The following CDH12 variants were observed in gnomAD, a reference collection of about 807,000 sequenced individuals.
CDH12 encodes cadherin-12.
A neutral mutation model predicts 74.1 loss-of-function variants in CDH12; 41 were observed. That is an observed-to-expected ratio of 0.55 (90% CI 0.43 to 0.72). CDH12 has a LOEUF of 0.72. Among genes scored for constraint, CDH12 ranks in the 30% least tolerant of loss-of-function variants. The pLI, the probability that CDH12 is intolerant of heterozygous loss-of-function variation, is 0.00. For missense variants in CDH12, 945 were observed against 977.2 expected, an observed-to-expected ratio of 0.97 and a Z score of 0.44; for synonymous variants, 399 against 355.0, an observed-to-expected ratio of 1.12 and a Z score of -1.39.
At chr5:22,722,746 G>C (rs760896441) in intron 1 of CDH12, among the ~76,000 whole-genome samples, 1 of 152,162 alleles carries the variant, frequency 6.6e-6, no homozygotes, top group Non-Finnish European at 1.5e-5. Flanking sequence ...TCAGGAAATT[G>C]TGTGTGCTTG....
chr5:22,653,663 C>A (rs1739858988), intron 1 of CDH12, among the ~76,000 whole-genome samples: 1 of 152,106 alleles, frequency 6.6e-6, no homozygotes, highest in Non-Finnish European at 1.5e-5. Flanking sequence ...GGTAATGCAG[C>A]CTGAGCCAGA....
At position 22,704,325 on chromosome 5, in the gene CDH12, T is replaced by C. The variant is rs145498310; in HGVS notation, c.-523+148733A>G. ...GCTAACAGGTGCCACCACCATAAAG[T>C]CCTTAAAATAGTCCTGTTTTCTTGT... On this transcript the variant is annotated intron_variant, in intron 1 of 14. Transcript: ENST00000382254. Among the ~76,000 whole-genome samples, 439 of 152,206 alleles carry C rather than the reference T, an allele frequency of 2.9e-3. 1 individual carries two copies. Among genetic ancestry groups the C allele is most frequent in the Non-Finnish European group, 4.6e-3 (313 of 68,004 alleles).
intron 3 of CDH12, among the ~76,000 whole-genome samples, chr5:22,267,304 G>C (rs1232149175): frequency 6.6e-6 from 1 of 152,156 alleles, no homozygotes; most frequent in East Asian, 1.9e-4. Flanking sequence ...ATTCCTCAGA[G>C]TTCCAGATTC....
intron 13 of CDH12, among the ~76,000 whole-genome samples, chr5:21,759,583 C>T (rs1479596188): frequency 6.6e-5 from 10 of 151,920 alleles, no homozygotes; most frequent in African/African-American, 2.4e-4. Context: ...AAATTGTATA[C>T]ATTAAGAATC....
chr5:22,266,598 T>C (rs185294845), intron 3 of CDH12, among the ~76,000 whole-genome samples: 59 of 152,274 alleles, frequency 3.9e-4, no homozygotes, highest in Non-Finnish European at 1.0e-4. Context: ...TATGTAAAAG[T>C]CCTGTGACTC....
chr5:21,922,729 T>C (rs1446322029), intron 6 of CDH12, among the ~76,000 whole-genome samples: 1 of 152,118 alleles, frequency 6.6e-6, no homozygotes, highest in Non-Finnish European at 1.5e-5. Flanking sequence ...CTTATTTTTC[T>C]TTTTTAAAGA....
chr5:22,328,940 T>C (rs1419264090), intron 3 of CDH12, among the ~76,000 whole-genome samples: 10 of 152,124 alleles, frequency 6.6e-5, no homozygotes, highest in Non-Finnish European at 1.3e-4. Flanking sequence ...TTGAGCCCAC[T>C]AAAATTTAAA....
chr5:22,322,581 TCATACA>T (rs1356619583), intron 3 of CDH12, among the ~76,000 whole-genome samples: 10 of 152,182 alleles, frequency 6.6e-5, no homozygotes, highest in African/African-American at 2.4e-4. Context: ...TCTGAGACAC[TCATACA>T]CATACACGGA....
At chr5:22,089,082 CTG>C (rs1743245530) in intron 4 of CDH12, among the ~76,000 whole-genome samples, 3 of 152,164 alleles carry the variant, frequency 2.0e-5, no homozygotes, top group African/African-American at 7.2e-5. Flanking sequence ...GCTGTTTACA[CTG>C]ACATTAGACA....
chr5:22,628,875 GA>G (rs1318608184), intron 1 of CDH12, among the ~76,000 whole-genome samples: 1 of 151,336 alleles, frequency 6.6e-6, no homozygotes, highest in Non-Finnish European at 1.5e-5. Context: ...AAAAAAGAGA[GA>G]ATATCCAAAT....
intron 5 of CDH12, among the ~76,000 whole-genome samples, chr5:22,009,153 TA>T (rs1312325944): frequency 6.6e-6 from 1 of 152,162 alleles, no homozygotes; most frequent in Non-Finnish European, 1.5e-5. Flanking sequence ...CTGAGGCGAC[TA>T]ATATACCCTG....
chr5:22,770,084 C>G (rs1580982624), intron 1 of CDH12, among the ~76,000 whole-genome samples: 1 of 150,922 alleles, frequency 6.6e-6, no homozygotes, highest in East Asian at 2.0e-4. Context: ...CACAAAGTAA[C>G]TCACCGAGAG....
intron 10 of CDH12, among the ~76,000 whole-genome samples, chr5:21,792,724 A>C (rs1345246965): frequency 1.3e-5 from 2 of 151,066 alleles, no homozygotes; most frequent in Non-Finnish European, 3.0e-5. Flanking sequence ...TTTGTCTTTA[A>C]CTCAGAGCAA....
intron 3 of CDH12, among the ~76,000 whole-genome samples, chr5:22,305,959 C>A (rs1209383384): frequency 2.0e-5 from 3 of 152,094 alleles, no homozygotes; most frequent in African/African-American, 4.8e-5. Flanking sequence ...AATTACATAG[C>A]ACCTTCTCCC....
At position 22,580,259 on chromosome 5, in the gene CDH12, A is replaced by C. The variant is rs933440987; in HGVS notation, c.-522-74895T>G. 35 of 355,758 alleles carry C rather than the reference A, an allele frequency of 9.8e-5. 1 individual carries two copies. Among genetic ancestry groups the C allele is most frequent in the African/African-American group, 6.3e-4 (30 of 47,498 alleles). 22.0% of individuals were successfully genotyped at this position (355,758 alleles called of 1,614,324 possible). A position where few individuals can be genotyped will look rare whatever the true frequency, so the allele number is the denominator to read the frequency against. On this transcript the variant is annotated intron_variant, in intron 1 of 14. Transcript: ENST00000382254. ...AACATCTCCAAGCTTCATGTCTCAG[A>C]TAATCATTCAAACATTGGATGGCAA...
intron 1 of CDH12, among the ~76,000 whole-genome samples, chr5:22,850,931 T>C (rs1482201434): frequency 6.6e-6 from 1 of 152,122 alleles, no homozygotes; most frequent in Non-Finnish European, 1.5e-5. Flanking sequence ...TCCTTATTAA[T>C]CTCATAATGA....
intron 3 of CDH12, among the ~76,000 whole-genome samples, chr5:22,401,849 G>T (rs565099079): frequency 2.0e-5 from 3 of 152,234 alleles, no homozygotes; most frequent in African/African-American, 7.2e-5. Context: ...CACACTGAGG[G>T]GAAGGCCATG....
At chr5:22,078,302 G>A in intron 5 of CDH12, 144 bp downstream of exon 5, 1 of 667,042 alleles carries the variant, frequency 1.5e-6, no homozygotes, top group South Asian at 2.0e-5. Flanking sequence ...CATTGAGTCA[G>A]GAAGATAAAC....
At position 22,497,638 on chromosome 5, in the gene CDH12, C is replaced by CTTTTT. The variant is rs747466944; in HGVS notation, c.-428+7627_-428+7631dup. 8.4e-4 allele frequency among the ~76,000 whole-genome samples: 70 copies of CTTTTT among 83,244 alleles called. 1 individual carries two copies. Among genetic ancestry groups the CTTTTT allele is most frequent in the Non-Finnish European group, 9.9e-4 (47 of 47,244 alleles). 54.6% of individuals were successfully genotyped at this position (83,244 alleles called of 152,430 possible). On this transcript the variant is annotated intron_variant, in intron 2 of 14. Coordinates refer to ENST00000382254, the MANE Select transcript of CDH12 (RefSeq NM_004061.5). ...CAAGGCCCCACTGCCTGTCGAATCT[C>CTTTTT]TTTTTTTTTTTTTTTTTTTTTTGAG...
Sources: allele counts gnomAD v4.1 joint callset (sites outside exome capture counted in the v4.1 genomes callset), GRCh38; gene constraint gnomAD v4.1.1; transcripts MANE v1.5; gene names NCBI Gene and HGNC (gene_info 2026-07-23, HGNC 2026-07-21).